Variants in LMNB1 observed in about 807,000 individuals in gnomAD.
LMNB1 encodes lamin-B1.
Under a neutral mutation model 67.1 loss-of-function variants are expected in LMNB1, and 23 were observed. That is an observed-to-expected ratio of 0.34 (90% CI 0.25 to 0.49). LMNB1 has a LOEUF of 0.49. Among genes scored for constraint, LMNB1 ranks in the 20% least tolerant of loss-of-function variants. The probability of loss-of-function intolerance (pLI) is 0.99; values close to 1 mark genes in which losing one functional copy is unlikely to be tolerated. For synonymous variants in LMNB1, 281 were observed against 282.9 expected (o/e 0.99, Z 0.07); for missense variants, 634 against 746.5 (o/e 0.85, Z 1.76).
intron 3 of LMNB1, among the ~76,000 whole-genome samples, chr5:126,807,351 A>T (rs1055713172): frequency 6.6e-6 from 1 of 152,248 alleles, no homozygotes; most frequent in African/African-American, 2.4e-5. Flanking sequence ...GTTGGAGGAA[A>T]AATAATAGAA....
intron 1 of LMNB1, among the ~76,000 whole-genome samples, chr5:126,779,067 G>A (rs987616375): frequency 6.6e-6 from 1 of 152,144 alleles, no homozygotes. Context: ...ATTTCTGGAG[G>A]TACCTTATTC....
At chr5:126,822,577 CT>C (rs949385450) in intron 7 of LMNB1, among the ~76,000 whole-genome samples, 13 of 152,302 alleles carry the variant, frequency 8.5e-5, no homozygotes, top group African/African-American at 3.1e-4. Context: ...AGTCAAGTAC[CT>C]TACTAATTAA....
Position 126,820,943 on chromosome 5 carries a change from G to A in LMNB1, c.1194G>A (p.Val398=). The A allele has an allele frequency of 6.2e-7, 1 of 1,613,950 alleles. No homozygotes were observed. Among genetic ancestry groups the A allele is most frequent in the Non-Finnish European group, 8.5e-7 (1 of 1,179,974 alleles). Reference sequence around the variant, plus strand: ...TGTCTCCAAGCCCTTCTTCCCGTGTGACAGTATCCCGAGCATCCTCAAGTC... The same window carrying A: ...TGTCTCCAAGCCCTTCTTCCCGTGTAACAGTATCCCGAGCATCCTCAAGTC... ...LKLSPSPSSR[V]TVSRASSSRS... The change falls in exon 7 of 11, where the codon GTG becomes GTA. Residue 398 remains valine (V), a synonymous_variant. Coordinates refer to ENST00000261366, the MANE Select transcript of LMNB1 (RefSeq NM_005573.4).
chr5:126,809,935 C>A (rs1336438134), intron 3 of LMNB1, among the ~76,000 whole-genome samples: 1 of 152,180 alleles, frequency 6.6e-6, no homozygotes, highest in Non-Finnish European at 1.5e-5. Context: ...AAATAAATAG[C>A]TATGCTCCTG....
In LMNB1 at chr5:126,836,758, A is replaced by G. The variant is rs891748997; in HGVS notation, c.*494A>G. The G allele has an allele frequency of 2.5e-6, 1 of 393,534 alleles. No homozygotes were observed. The highest frequency in any genetic ancestry group is 2.1e-5 in the African/African-American group (1 of 48,266). The allele number at this position is 393,534 out of a possible 1,614,324, so 24.4% of individuals were successfully genotyped here. A position where few individuals can be genotyped will look rare whatever the true frequency, so the allele number is the denominator to read the frequency against. On this transcript the variant is annotated 3_prime_UTR_variant, in exon 11 of 11. Coordinates refer to ENST00000261366, the MANE Select transcript of LMNB1 (RefSeq NM_005573.4). ...TTTGTAATAAGCAATCAAGGTTATA[A>G]TTTTTTTTAAAATAGAAATTTTGTA...
intron 1 of LMNB1, among the ~76,000 whole-genome samples, chr5:126,787,176 T>C (rs1162645669): frequency 1.3e-5 from 2 of 152,102 alleles, no homozygotes; most frequent in Non-Finnish European, 2.9e-5. Flanking sequence ...ATACTGTAAG[T>C]GCAGTATACT....
chr5:126,780,452 T>C (rs1750604001), intron 1 of LMNB1, among the ~76,000 whole-genome samples: 1 of 152,154 alleles, frequency 6.6e-6, no homozygotes, highest in South Asian at 2.1e-4. Context: ...TGGCTGACAG[T>C]AGTTGTAAAT....
In LMNB1 at chr5:126,811,762, T is replaced by A; in HGVS notation, c.814-11T>A. On this transcript the variant is annotated splice_polypyrimidine_tract_variant and intron_variant, in intron 4 of 10. Transcript: ENST00000261366. ...TAGATAAGACTGACTATGCTTTGCT[T>A]CTTCTTTTAGCTTGAGAATGCCAGA... 1.9e-6 allele frequency: 3 copies of A among 1,599,020 alleles called. No individual in the cohort carries two copies. The highest frequency in any genetic ancestry group is 1.1e-5 in the South Asian group (1 of 90,308).
intron 1 of LMNB1, among the ~76,000 whole-genome samples, chr5:126,781,448 A>G (rs763213977): frequency 4.6e-5 from 7 of 151,054 alleles, no homozygotes; most frequent in South Asian, 2.1e-4. Context: ...ATTTTGCCCT[A>G]TTGTCTTCTG....
rs1282635331 is a variant in LMNB1 at position 126,836,510 on chromosome 5, G to A, written c.*246G>A. On this transcript the variant is annotated 3_prime_UTR_variant, in exon 11 of 11. Transcript: ENST00000261366. ...TAATAACTGTGTACTGTTCGGAAGG[G>A]GTTCCTCAAATTTTTTGACTTTTTT... The A allele has an allele frequency of 8.2e-6, 3 of 366,866 alleles. No individual in the cohort carries two copies. The highest frequency in any genetic ancestry group is 1.4e-5 in the Non-Finnish European group (3 of 207,420). The allele number at this position is 366,866 out of a possible 1,614,324, so 22.7% of individuals were successfully genotyped here.
chr5:126,805,013 T>G (rs1751383917), intron 2 of LMNB1, 81 bp downstream of exon 2: 3 of 1,186,706 alleles, frequency 2.5e-6, no homozygotes, highest in Non-Finnish European at 3.5e-6. Context: ...ATTGATTGAT[T>G]GATTTTCAAA....
intron 1 of LMNB1, among the ~76,000 whole-genome samples, chr5:126,796,117 A>T (rs1320746589): frequency 2.0e-5 from 3 of 151,388 alleles, no homozygotes; most frequent in Non-Finnish European, 4.4e-5. Context: ...TTTTTAGTAG[A>T]GACAGGGTTT....
chr5:126,805,825 T>C, intron 3 of LMNB1, 129 bp downstream of exon 3: 1 of 754,348 alleles, frequency 1.3e-6, no homozygotes, highest in South Asian at 3.0e-5. Flanking sequence ...AAAGAAATAA[T>C]AAGGTTTGGG....
intron 9 of LMNB1, among the ~76,000 whole-genome samples, chr5:126,831,953 C>G (rs1752144247): frequency 6.6e-6 from 1 of 152,102 alleles, no homozygotes; most frequent in South Asian, 2.1e-4. Context: ...ACAGCTCCCC[C>G]CGCCCCACCC....
chr5:126,823,008 T>C, intron 8 of LMNB1, 123 bp downstream of exon 8: 1 of 661,840 alleles, frequency 1.5e-6, no homozygotes, highest in Admixed American at 2.8e-5. Flanking sequence ...TTTTATATTA[T>C]TAGGGCATTA....
intron 1 of LMNB1, among the ~76,000 whole-genome samples, chr5:126,789,851 T>G (rs1221815277): frequency 6.6e-6 from 1 of 152,124 alleles, no homozygotes; most frequent in Admixed American, 6.6e-5. Context: ...TTTTTTGTAT[T>G]TTTAGTAGAG....
At chr5:126,820,463 G>A (rs1366078563) in intron 6 of LMNB1, among the ~76,000 whole-genome samples, 1 of 152,164 alleles carries the variant, frequency 6.6e-6, no homozygotes, top group Non-Finnish European at 1.5e-5. Flanking sequence ...GTAAACTTTG[G>A]CTTTGGCTAA....
Position 126,805,701 on chromosome 5 carries a change from C to T in LMNB1, c.642+5C>T. The T allele has an allele frequency of 6.2e-7, 1 of 1,601,820 alleles. No homozygotes were observed. The highest frequency in any genetic ancestry group is 8.5e-7 in the Non-Finnish European group (1 of 1,173,770). On this transcript the variant is annotated splice_donor_5th_base_variant and intron_variant, in intron 3 of 10. Coordinates refer to ENST00000261366, the MANE Select transcript of LMNB1 (RefSeq NM_005573.4). ...CGCAAAAGCATGTATGAAGAGGTAACTATATATAATTTTGCTTTGTAAAGG... is the reference window on the plus strand; with the variant it reads ...CGCAAAAGCATGTATGAAGAGGTAATTATATATAATTTTGCTTTGTAAAGG...
chr5:126,785,968 C>T (rs944297709), intron 1 of LMNB1, among the ~76,000 whole-genome samples: 5 of 151,190 alleles, frequency 3.3e-5, no homozygotes, highest in African/African-American at 7.3e-5. Context: ...GAGCCGAGAT[C>T]GTGCCACTGC....
Sources: allele counts gnomAD v4.1 joint callset (sites outside exome capture counted in the v4.1 genomes callset), GRCh38; gene constraint gnomAD v4.1.1; transcripts MANE v1.5; gene names NCBI Gene and HGNC (gene_info 2026-07-23, HGNC 2026-07-21).